R3HDM1: variants seen among roughly 807,000 people sequenced by gnomAD.
The protein encoded by R3HDM1 is R3H domain-containing protein 1.
A neutral mutation model predicts 141.1 loss-of-function variants in R3HDM1; 46 were observed. The ratio of observed to expected loss-of-function variants is 0.33; its 90% confidence interval spans 0.26 to 0.42. R3HDM1 has a LOEUF of 0.42. Among genes scored for constraint, R3HDM1 ranks in the 10% least tolerant of loss-of-function variants. The probability of loss-of-function intolerance (pLI) is 1.00; values close to 1 mark genes in which losing one functional copy is unlikely to be tolerated. For missense variants in R3HDM1, 1,184 were observed against 1,368.3 expected (o/e 0.87, Z 2.12); for synonymous variants, 435 against 472.9 (o/e 0.92, Z 1.04).
chr2:135,693,546 C>A (rs1162564829), intron 21 of R3HDM1, among the ~76,000 whole-genome samples: 4 of 152,090 alleles, frequency 2.6e-5, no homozygotes. Flanking sequence ...CAGAAGAGGT[C>A]ATTTGTAACC....
At chr2:135,542,928 G>C (rs1374838712) in intron 1 of R3HDM1, among the ~76,000 whole-genome samples, 1 of 152,118 alleles carries the variant, frequency 6.6e-6, no homozygotes, top group African/African-American at 2.4e-5. Context: ...GTAGAGATGG[G>C]GTTTCACCAT....
intron 20 of R3HDM1, 30 bp downstream of exon 20, chr2:135,675,516 A>G: frequency 6.3e-7 from 1 of 1,574,962 alleles, no homozygotes; most frequent in Non-Finnish European, 8.7e-7. Context: ...TACTTTGGGT[A>G]GAGATGATTT....
chr2:135,722,696 G>C, intron 26 of R3HDM1, 143 bp downstream of exon 26: 1 of 749,236 alleles, frequency 1.3e-6, no homozygotes, highest in Non-Finnish European at 2.1e-6. Context: ...AGGGTTCTTG[G>C]ATATGTTCCT....
chr2:135,653,523 ATGTT>A (rs1382361583), intron 18 of R3HDM1, among the ~76,000 whole-genome samples: 18 of 152,080 alleles, frequency 1.2e-4, no homozygotes, highest in African/African-American at 4.1e-4. Flanking sequence ...GATATGTAGT[ATGTT>A]AGTTATTATT....
At position 135,675,360 on chromosome 2, in the gene R3HDM1, A is replaced by G; in HGVS notation, c.2181A>G (p.Gln727=). ...TGYQVIPNQQ[Q]NYQGIVGVQQ... ...ATCAAGTTATACCCAACCAGCAGCA[A>G]AACTACCAAGGAATAGTTGGAGTTC... Residue 727 remains glutamine (Q), a synonymous_variant, in exon 20 of 27, where the codon CAA becomes CAG. Coordinates refer to ENST00000683871, the MANE Select transcript of R3HDM1 (RefSeq NM_001378107.1). 1 of 1,613,980 alleles carries G rather than the reference A, an allele frequency of 6.2e-7. No individual in the cohort carries two copies.
At chr2:135,638,548 A>T in intron 11 of R3HDM1, 70 bp from the exon 12 acceptor site, 3 of 1,430,968 alleles carry the variant, frequency 2.1e-6, no homozygotes, top group Non-Finnish European at 2.9e-6. Flanking sequence ...TGTTGTCATC[A>T]TTGGTTTACA....
At chr2:135,648,234 AT>A (rs1386413908) in intron 16 of R3HDM1, among the ~76,000 whole-genome samples, 1 of 152,096 alleles carries the variant, frequency 6.6e-6, no homozygotes. Flanking sequence ...TTACTGAAAG[AT>A]TTTTTTAATG....
chr2:135,626,181 TTGCG>T (rs1161583452), intron 7 of R3HDM1, among the ~76,000 whole-genome samples: 85 of 135,918 alleles, frequency 6.3e-4, no homozygotes, highest in South Asian at 6.2e-3. Context: ...AACTGCTTGC[TTGCG>T]TGCGTGCGTG....
chr2:135,544,411 A>G (rs1043959198), intron 1 of R3HDM1, among the ~76,000 whole-genome samples: 1 of 152,240 alleles, frequency 6.6e-6, no homozygotes, highest in Admixed American at 6.5e-5. Context: ...TAGTCTCAAC[A>G]TGAAAACTTT....
chr2:135,717,755 C>A (rs1356433097), intron 24 of R3HDM1, among the ~76,000 whole-genome samples: 2 of 152,180 alleles, frequency 1.3e-5, no homozygotes, highest in Non-Finnish European at 1.5e-5. Flanking sequence ...TAAGAGTGTA[C>A]AGTGATGAAA....
intron 1 of R3HDM1, chr2:135,549,955 G>T (rs1413356244): frequency 1.7e-5 from 16 of 945,684 alleles, no homozygotes; most frequent in Non-Finnish European, 1.9e-5. Flanking sequence ...TGTAACTTTT[G>T]TATTATAAAT....
At chr2:135,557,153 G>A (rs1700935451) in intron 1 of R3HDM1, among the ~76,000 whole-genome samples, 1 of 151,980 alleles carries the variant, frequency 6.6e-6, no homozygotes. Context: ...TAGAATTCTA[G>A]GACAAGTGCC....
At chr2:135,630,785 A>G (rs191967609) in intron 7 of R3HDM1, among the ~76,000 whole-genome samples, 1 of 152,256 alleles carries the variant, frequency 6.6e-6, no homozygotes, top group East Asian at 1.9e-4. Flanking sequence ...AGCTGCTTTT[A>G]GCTTTAAGTT....
At chr2:135,603,949 G>GTTTC (rs1478329027) in intron 2 of R3HDM1, among the ~76,000 whole-genome samples, 4 of 152,150 alleles carry the variant, frequency 2.6e-5, no homozygotes, top group Admixed American at 2.6e-4. Context: ...CTTAAAATGA[G>GTTTC]TGCTATCTTT....
At chr2:135,595,794 A>G (rs574230607) in intron 1 of R3HDM1, among the ~76,000 whole-genome samples, 1 of 152,270 alleles carries the variant, frequency 6.6e-6, no homozygotes, top group South Asian at 2.1e-4. Context: ...AGATTGAGTG[A>G]ATGGAATATC....
At chr2:135,670,501 G>A in intron 19 of R3HDM1, 1 of 723,536 alleles carries the variant, frequency 1.4e-6, no homozygotes, top group Non-Finnish European at 1.7e-6. Context: ...GATAAGATGT[G>A]GAAGCATTAT....
intron 21 of R3HDM1, among the ~76,000 whole-genome samples, chr2:135,708,036 T>A (rs2075156477): frequency 6.6e-6 from 1 of 152,368 alleles, no homozygotes; most frequent in Middle Eastern, 3.4e-3. Flanking sequence ...AGAAGTATAC[T>A]GAACCCATAT....
chr2:135,670,682 G>C (rs2068208288), intron 19 of R3HDM1, among the ~76,000 whole-genome samples: 1 of 152,050 alleles, frequency 6.6e-6, no homozygotes, highest in African/African-American at 2.4e-5. Context: ...TTCTATGTTT[G>C]TATTTTTTTC....
chr2:135,658,069 C>T (rs2066154850), intron 18 of R3HDM1, among the ~76,000 whole-genome samples: 1 of 152,130 alleles, frequency 6.6e-6, no homozygotes, highest in Non-Finnish European at 1.5e-5. Flanking sequence ...ATACTGTAGG[C>T]AATTATATCA....
Sources: allele counts gnomAD v4.1 joint callset (sites outside exome capture counted in the v4.1 genomes callset), GRCh38; gene constraint gnomAD v4.1.1; transcripts MANE v1.5; gene names NCBI Gene and HGNC (gene_info 2026-07-23, HGNC 2026-07-21).